The following CADM2 variants were observed in gnomAD, a reference collection of about 807,000 sequenced individuals.
CADM2 encodes the protein immunoglobulin superfamily member 4D.
In CADM2, 12 loss-of-function variants were observed where a neutral mutation model predicts 49.8. The observed-to-expected ratio is 0.24, with a 90% confidence interval of 0.15 to 0.39. CADM2 has a LOEUF of 0.39. Ranked by LOEUF, CADM2 falls within the 10% of genes least tolerant of loss-of-function variation. The pLI is 1.00. For missense variants in CADM2, 378 were observed against 492.3 expected, an observed-to-expected ratio of 0.77 and a Z score of 2.20; for synonymous variants, 214 against 175.4, an observed-to-expected ratio of 1.22 and a Z score of -1.74.
intron 1 of CADM2, among the ~76,000 whole-genome samples, chr3:85,172,515 A>G (rs200542483): frequency 2.0e-4 from 31 of 152,234 alleles, no homozygotes; most frequent in African/African-American, 5.3e-4. Context: ...GGTCACTACA[A>G]TTTATCTAAA....
chr3:85,077,839 T>C (rs1373290330), intron 1 of CADM2, among the ~76,000 whole-genome samples: 1 of 152,086 alleles, frequency 6.6e-6, no homozygotes, highest in African/African-American at 2.4e-5. Context: ...GTAAGCCAAA[T>C]TACATATGAA....
chr3:85,339,050 G>A (rs1030013310), intron 1 of CADM2, among the ~76,000 whole-genome samples: 1 of 151,542 alleles, frequency 6.6e-6, no homozygotes, highest in African/African-American at 2.4e-5. Flanking sequence ...GTTTAAGTCT[G>A]ATAGGTAAAT....
intron 8 of CADM2, among the ~76,000 whole-genome samples, chr3:86,012,107 C>G (rs1317499299): frequency 1.3e-5 from 2 of 152,016 alleles, no homozygotes; most frequent in Non-Finnish European, 2.9e-5. Flanking sequence ...ACATAGCAAC[C>G]AGCATTCTGT....
chr3:85,092,587 G>C (rs567137215), intron 1 of CADM2, among the ~76,000 whole-genome samples: 2 of 152,282 alleles, frequency 1.3e-5, no homozygotes, highest in South Asian at 4.1e-4. Flanking sequence ...GATGGTTAAA[G>C]ACAGAGCTTT....
chr3:85,669,992 G>A (rs1051899558), intron 1 of CADM2, among the ~76,000 whole-genome samples: 13 of 152,014 alleles, frequency 8.6e-5, no homozygotes, highest in Admixed American at 2.0e-4. Context: ...TAACTAAACC[G>A]TGATCTCAAT....
intron 1 of CADM2, among the ~76,000 whole-genome samples, chr3:85,170,260 G>A (rs549291313): frequency 6.6e-5 from 10 of 152,052 alleles, no homozygotes; most frequent in African/African-American, 9.7e-5. Context: ...AAGTTGAGCC[G>A]CAGAAAAGTA....
At chr3:85,549,957 T>TA (rs922185245) in intron 1 of CADM2, among the ~76,000 whole-genome samples, 1 of 151,724 alleles carries the variant, frequency 6.6e-6, no homozygotes, top group Non-Finnish European at 1.5e-5. Flanking sequence ...AATGAGCAAA[T>TA]AAAAAAATGA....
In CADM2 at chr3:86,068,970, T is replaced by A. The variant is rs1336231443; in HGVS notation, c.*2187T>A. The A allele has an allele frequency of 6.6e-6, 1 of 152,008 alleles. No homozygotes were observed. Among genetic ancestry groups the A allele is most frequent in the Non-Finnish European group, 1.5e-5 (1 of 67,862 alleles). 9.4% of individuals were successfully genotyped at this position (152,008 alleles called of 1,614,324 possible). A position where few individuals can be genotyped will look rare whatever the true frequency, so the allele number is the denominator to read the frequency against. ...TTTATAAACTGTTCATATCTTTCAA[T>A]GCATAATCTTTAGAAAGACTCCACA... is the stretch of plus-strand genomic sequence containing the variant. On this transcript the variant is annotated 3_prime_UTR_variant, in exon 10 of 10. Coordinates refer to ENST00000383699, the MANE Select transcript of CADM2 (RefSeq NM_001167675.2).
intron 1 of CADM2, among the ~76,000 whole-genome samples, chr3:85,231,108 A>C (rs2042276764): frequency 6.6e-6 from 1 of 152,120 alleles, no homozygotes. Context: ...CTTCTTATGA[A>C]GACACCAGTA....
At chr3:85,121,188 C>T (rs2038850465) in intron 1 of CADM2, among the ~76,000 whole-genome samples, 1 of 152,148 alleles carries the variant, frequency 6.6e-6, no homozygotes, top group Non-Finnish European at 1.5e-5. Flanking sequence ...AGGTGGTATC[C>T]ATTCCTAATT....
chr3:85,416,736 T>C (rs2035938118), intron 1 of CADM2, among the ~76,000 whole-genome samples: 3 of 152,300 alleles, frequency 2.0e-5, no homozygotes, highest in Non-Finnish European at 4.4e-5. Context: ...ACATGATATG[T>C]ATCACATTAT....
chr3:85,240,510 G>A (rs1175360483), intron 1 of CADM2, among the ~76,000 whole-genome samples: 3 of 151,398 alleles, frequency 2.0e-5, no homozygotes, highest in African/African-American at 7.3e-5. Context: ...TAGGTTAATA[G>A]CTCCTATTTT....
At chr3:85,150,373 C>G (rs2039884178) in intron 1 of CADM2, among the ~76,000 whole-genome samples, 1 of 152,084 alleles carries the variant, frequency 6.6e-6, no homozygotes, top group African/African-American at 2.4e-5. Context: ...CTCTCAGAGA[C>G]AGAAACAACT....
intron 1 of CADM2, among the ~76,000 whole-genome samples, chr3:84,989,010 G>C (rs2032744627): frequency 1.3e-5 from 2 of 152,094 alleles, no homozygotes; most frequent in African/African-American, 4.8e-5. Context: ...GCAAAGTAAA[G>C]ACAGAACAGT....
chr3:85,198,634 T>G (rs2107739849), intron 1 of CADM2, among the ~76,000 whole-genome samples: 1 of 152,016 alleles, frequency 6.6e-6, no homozygotes, highest in East Asian at 1.9e-4. Flanking sequence ...CAAAAATAAT[T>G]AATTTATGGT....
At chr3:85,327,127 G>T (rs2044775708) in intron 1 of CADM2, among the ~76,000 whole-genome samples, 1 of 151,460 alleles carries the variant, frequency 6.6e-6, no homozygotes, top group Admixed American at 6.6e-5. Context: ...GAATTACACT[G>T]ACATGGCTGA....
intron 1 of CADM2, among the ~76,000 whole-genome samples, chr3:84,997,132 A>T (rs1047045470): frequency 6.6e-6 from 1 of 152,124 alleles, no homozygotes; most frequent in African/African-American, 2.4e-5. Context: ...TGTTTAGAAG[A>T]TACACTGTGC....
At chr3:85,993,668 A>G (rs1291350497) in intron 8 of CADM2, 1 of 152,192 alleles carries the variant, frequency 6.6e-6, no homozygotes, top group East Asian at 1.9e-4. Context: ...TCCATGGGCT[A>G]CAGAATGGAT....
intron 1 of CADM2, among the ~76,000 whole-genome samples, chr3:85,217,604 T>G (rs2041958344): frequency 6.6e-6 from 1 of 152,068 alleles, no homozygotes; most frequent in Non-Finnish European, 1.5e-5. Context: ...ATAAAAATAT[T>G]ATAGCACTTA....
Sources: gnomAD v4.1 joint callset for allele counts (sites outside exome capture counted in the v4.1 genomes callset) on GRCh38, gnomAD v4.1.1 for gene constraint, MANE v1.5 for transcripts, NCBI Gene and HGNC (gene_info 2026-07-23, HGNC 2026-07-21) for gene names.